The following IL1RAPL2 variants were observed in gnomAD, a reference collection of about 807,000 sequenced individuals.
IL1RAPL2 encodes X-linked interleukin-1 receptor accessory protein-like 2.
In IL1RAPL2, 3 loss-of-function variants were observed where a neutral mutation model predicts 44.1. The observed-to-expected ratio is 0.07, with a 90% CI of 0.03 to 0.18. The LOEUF is 0.18. IL1RAPL2 is among the 10% of genes least tolerant of loss of function. The pLI, the probability that IL1RAPL2 is intolerant of heterozygous loss-of-function variation, is 1.00. For missense variants in IL1RAPL2, 391 were observed against 496.4 expected, an observed-to-expected ratio of 0.79 and a Z score of 2.02; for synonymous variants, 181 against 178.8, an observed-to-expected ratio of 1.01 and a Z score of -0.10.
intron 2 of IL1RAPL2, among the ~76,000 whole-genome samples, chrX:104,662,717 T>G (rs1930424378): frequency 8.9e-6 from 1 of 111,839 alleles, no homozygotes; most frequent in Non-Finnish European, 1.9e-5. Context: ...ACATGAACTT[T>G]ATTATTTGGG....
intron 2 of IL1RAPL2, among the ~76,000 whole-genome samples, chrX:104,917,967 C>T (rs1330056094): frequency 1.8e-5 from 2 of 111,556 alleles, no homozygotes; most frequent in African/African-American, 6.5e-5. Flanking sequence ...TGTGATTTTA[C>T]TTTACCAGAT....
chrX:105,195,377 A>G, intron 2 of IL1RAPL2, 98 bp from the exon 3 acceptor site: 1 of 808,496 alleles, frequency 1.2e-6, no homozygotes, highest in Admixed American at 2.4e-5. Flanking sequence ...GAAGTAATCT[A>G]TGTGGAGCAC....
intron 2 of IL1RAPL2, among the ~76,000 whole-genome samples, chrX:104,846,939 G>A (rs1263000314): frequency 1.8e-5 from 2 of 112,166 alleles, no homozygotes; most frequent in East Asian, 5.6e-4. Flanking sequence ...GCATTTCTCT[G>A]ATGGCCAGTG....
intron 5 of IL1RAPL2, among the ~76,000 whole-genome samples, chrX:105,345,658 A>AT (rs2035105480): frequency 9.0e-6 from 1 of 111,304 alleles, no homozygotes; most frequent in Non-Finnish European, 1.9e-5. Context: ...TGATAGTGGC[A>AT]TTTTTTTAGG....
intron 2 of IL1RAPL2, among the ~76,000 whole-genome samples, chrX:104,915,888 G>A (rs887217601): frequency 9.9e-5 from 11 of 111,494 alleles, no homozygotes; most frequent in Non-Finnish European, 1.9e-4. Context: ...TAGATATGTG[G>A]CATTATTTCT....
At chrX:104,678,960 CTTAAAG>C (rs1274956140) in intron 2 of IL1RAPL2, among the ~76,000 whole-genome samples, 1 of 111,509 alleles carries the variant, frequency 9.0e-6, no homozygotes, top group Non-Finnish European at 1.9e-5. Context: ...TATGTCAGAA[CTTAAAG>C]TTTAATAATA....
intron 2 of IL1RAPL2, among the ~76,000 whole-genome samples, chrX:105,176,193 T>A (rs1366843962): frequency 9.0e-6 from 1 of 110,940 alleles, no homozygotes; most frequent in African/African-American, 3.3e-5. Flanking sequence ...AGTCAGTACA[T>A]GGGCACAGTT....
chrX:105,320,588 G>A (rs2034889592), intron 5 of IL1RAPL2, among the ~76,000 whole-genome samples: 1 of 108,847 alleles, frequency 9.2e-6, no homozygotes, highest in South Asian at 3.7e-4. Flanking sequence ...GTGCAGGTAT[G>A]TGTATGTGTG....
At chrX:105,179,659 A>G (rs1268310337) in intron 2 of IL1RAPL2, among the ~76,000 whole-genome samples, 3 of 110,158 alleles carry the variant, frequency 2.7e-5, no homozygotes, top group South Asian at 3.8e-4. Flanking sequence ...GTCACCTTCA[A>G]TTTCTTTCAA....
intron 2 of IL1RAPL2, among the ~76,000 whole-genome samples, chrX:104,993,358 A>G (rs757563166): frequency 9.0e-6 from 1 of 111,724 alleles, no homozygotes; most frequent in African/African-American, 3.2e-5. Context: ...ATGATAGCAT[A>G]TTAAGCTTAT....
At chrX:104,730,406 T>A (rs1314108461) in intron 2 of IL1RAPL2, among the ~76,000 whole-genome samples, 2 of 75,021 alleles carry the variant, frequency 2.7e-5, no homozygotes, top group African/African-American at 9.9e-5. Flanking sequence ...CAGAGTGTGA[T>A]GTTCCCCTTC....
At chrX:105,280,438 T>G (rs1201169019) in intron 5 of IL1RAPL2, among the ~76,000 whole-genome samples, 1 of 111,669 alleles carries the variant, frequency 9.0e-6, no homozygotes, top group Non-Finnish European at 1.9e-5. Flanking sequence ...TGGAATCTAA[T>G]TAAACTAAAG....
chrX:105,155,960 A>C (rs1239940945), intron 2 of IL1RAPL2, among the ~76,000 whole-genome samples: 1 of 111,466 alleles, frequency 9.0e-6, no homozygotes, highest in Non-Finnish European at 1.9e-5. Context: ...TGACTGTAAT[A>C]GATGCTCAAA....
intron 3 of IL1RAPL2, chrX:105,219,559 G>T (rs1556175638): frequency 2.5e-6 from 3 of 1,209,330 alleles, no homozygotes; most frequent in East Asian, 5.9e-5. Flanking sequence ...CTCCACAGGG[G>T]GAGCCATGGC....
At chrX:105,471,029 G>T (rs1014239406) in intron 5 of IL1RAPL2, among the ~76,000 whole-genome samples, 11 of 111,894 alleles carry the variant, frequency 9.8e-5, no homozygotes, top group Admixed American at 2.8e-4. Flanking sequence ...TTCATTTACT[G>T]TGGGGTAATT....
At chrX:104,970,494 A>G (rs910529650) in intron 2 of IL1RAPL2, among the ~76,000 whole-genome samples, 14 of 111,763 alleles carry the variant, frequency 1.3e-4, no homozygotes, top group Non-Finnish European at 1.9e-5. Flanking sequence ...CTGCAGTCAT[A>G]TCTATACCCA....
chrX:104,854,256 G>A (rs1327976996), intron 2 of IL1RAPL2, among the ~76,000 whole-genome samples: 1 of 111,312 alleles, frequency 9.0e-6, no homozygotes, highest in Non-Finnish European at 1.9e-5. Flanking sequence ...AGAAACAGCT[G>A]TATTAGGTCA....
At chrX:104,633,059 G>C (rs983165603) in intron 1 of IL1RAPL2, among the ~76,000 whole-genome samples, 9 of 111,550 alleles carry the variant, frequency 8.1e-5, no homozygotes, top group African/African-American at 2.9e-4. Context: ...AAGGGTTGTT[G>C]AATTTTGTCA....
At chrX:105,667,660 T>C (rs964245157) in intron 6 of IL1RAPL2, among the ~76,000 whole-genome samples, 5 of 111,407 alleles carry the variant, frequency 4.5e-5, no homozygotes, top group Non-Finnish European at 9.4e-5. Context: ...ACTCCAGCAG[T>C]AGCAGCAGTC....
Sources: allele counts gnomAD v4.1 joint callset (sites outside exome capture counted in the v4.1 genomes callset), GRCh38; gene constraint gnomAD v4.1.1; transcripts MANE v1.5; gene names NCBI Gene and HGNC (gene_info 2026-07-23, HGNC 2026-07-21).